Variants in LINGO2 observed in about 807,000 individuals in gnomAD.
LINGO2 encodes the protein leucine-rich repeat and immunoglobulin-like domain-containing nogo receptor-interacting protein 2.
A neutral mutation model predicts 30.6 loss-of-function variants in LINGO2; 14 were observed. The observed-to-expected ratio is 0.46, with a 90% confidence interval of 0.30 to 0.72. LINGO2 has a LOEUF of 0.72. Ranked by LOEUF, LINGO2 falls within the 30% of genes least tolerant of loss-of-function variation. The pLI is 0.07. For synonymous variants in LINGO2, 317 were observed against 288.5 expected (o/e 1.10, Z -1.00); for missense variants, 729 against 751.7 (o/e 0.97, Z 0.35).
At chr9:28,851,179 G>A in the LINGO2 span, among the ~76,000 whole-genome samples, 1 of 152,056 alleles carries the variant, frequency 6.6e-6, no homozygotes, top group East Asian at 1.9e-4. Context: ...AGGAAATTAA[G>A]TAACACAGAT....
At chr9:28,644,424 A>C (rs574571989) in intron 1 of LINGO2, among the ~76,000 whole-genome samples, 1 of 152,146 alleles carries the variant, frequency 6.6e-6, no homozygotes, top group Non-Finnish European at 1.5e-5. Flanking sequence ...AGCTAGGCCC[A>C]AAAAGACAAA....
chr9:29,011,552 A>G, the LINGO2 span, among the ~76,000 whole-genome samples: 1 of 152,226 alleles, frequency 6.6e-6, no homozygotes, highest in Non-Finnish European at 1.5e-5. Context: ...CATCTTTTAT[A>G]TTGTAGCAAA....
chr9:28,359,413 A>C (rs185527565), intron 3 of LINGO2, among the ~76,000 whole-genome samples: 1 of 152,224 alleles, frequency 6.6e-6, no homozygotes, highest in African/African-American at 2.4e-5. Flanking sequence ...ACAAAAAGAA[A>C]ACATTGGTCC....
At chr9:28,201,376 A>G (rs1013203700) in intron 4 of LINGO2, among the ~76,000 whole-genome samples, 9 of 140,442 alleles carry the variant, frequency 6.4e-5, no homozygotes, top group African/African-American at 2.4e-4. Context: ...ATGATTTCCA[A>G]TTTCATCCAT....
At chr9:28,174,967 A>G (rs1828709669) in intron 4 of LINGO2, among the ~76,000 whole-genome samples, 1 of 151,820 alleles carries the variant, frequency 6.6e-6, no homozygotes, top group African/African-American at 2.4e-5. Context: ...AGAGAAAGAG[A>G]CAGAGACCCA....
At chr9:28,676,977 A>T in the LINGO2 span, among the ~76,000 whole-genome samples, 2 of 152,296 alleles carry the variant, frequency 1.3e-5, no homozygotes, top group Non-Finnish European at 2.9e-5. Flanking sequence ...CACATACAGA[A>T]AACTACTGTG....
At chr9:28,790,312 T>TTTTCTTTTC in the LINGO2 span, among the ~76,000 whole-genome samples, 1 of 146,320 alleles carries the variant, frequency 6.8e-6, no homozygotes, top group Non-Finnish European at 1.5e-5. Flanking sequence ...TTTACCCATC[T>TTTTCTTTTC]TTTCTTTTCT....
At chr9:28,508,775 A>G (rs1026377122) in intron 1 of LINGO2, among the ~76,000 whole-genome samples, 1 of 152,126 alleles carries the variant, frequency 6.6e-6, no homozygotes, top group South Asian at 2.1e-4. Flanking sequence ...TTTGTAGAGT[A>G]GAACAACCAT....
At chr9:28,383,232 A>G (rs559702292) in intron 2 of LINGO2, among the ~76,000 whole-genome samples, 1 of 149,208 alleles carries the variant, frequency 6.7e-6, no homozygotes, top group South Asian at 2.2e-4. Flanking sequence ...TCTAAAATTG[A>G]AACACTATAG....
At chr9:28,025,635 C>A (rs750741244) in intron 4 of LINGO2, among the ~76,000 whole-genome samples, 1 of 152,096 alleles carries the variant, frequency 6.6e-6, no homozygotes, top group Admixed American at 6.5e-5. Context: ...TAAATTGAAA[C>A]TCTTGGTGGT....
chr9:28,563,437 G>A (rs572109961), intron 1 of LINGO2, among the ~76,000 whole-genome samples: 148 of 152,176 alleles, frequency 9.7e-4, no homozygotes, highest in African/African-American at 3.4e-3. Flanking sequence ...ACATATTCTG[G>A]ACAATAAAAG....
intron 2 of LINGO2, among the ~76,000 whole-genome samples, chr9:28,470,532 T>C (rs1339204951): frequency 6.6e-6 from 1 of 152,186 alleles, no homozygotes; most frequent in Non-Finnish European, 1.5e-5. Context: ...TCTGTCAAGA[T>C]CATGCTGCCC....
chr9:28,512,642 CATACAT>C (rs1347758529), intron 1 of LINGO2, among the ~76,000 whole-genome samples: 2 of 62,604 alleles, frequency 3.2e-5, no homozygotes, highest in Non-Finnish European at 5.6e-5. Context: ...TATATACACA[CATACAT>C]ACACACACAC....
At chr9:28,150,562 G>A (rs1033793621) in intron 4 of LINGO2, among the ~76,000 whole-genome samples, 2 of 152,130 alleles carry the variant, frequency 1.3e-5, no homozygotes, top group African/African-American at 4.8e-5. Flanking sequence ...CCAGCCTGGT[G>A]ACAGAGCAAG....
At chr9:28,304,521 C>G (rs538243100) in intron 3 of LINGO2, among the ~76,000 whole-genome samples, 1 of 152,032 alleles carries the variant, frequency 6.6e-6, no homozygotes, top group East Asian at 1.9e-4. Flanking sequence ...TTTCTGCACC[C>G]CAGAAAGCTT....
At chr9:29,150,227 A>G in the LINGO2 span, among the ~76,000 whole-genome samples, 1 of 152,202 alleles carries the variant, frequency 6.6e-6, no homozygotes. Context: ...TAAAGATCCT[A>G]TACAAAGCAT....
At chr9:28,234,306 C>T (rs1279658016) in intron 4 of LINGO2, among the ~76,000 whole-genome samples, 10 of 152,078 alleles carry the variant, frequency 6.6e-5, no homozygotes, top group African/African-American at 1.7e-4. Context: ...GCAGAACCCC[C>T]GGGGACTGGT....
chr9:28,546,585 C>G (rs1297369327), intron 1 of LINGO2, among the ~76,000 whole-genome samples: 1 of 152,052 alleles, frequency 6.6e-6, no homozygotes, highest in Non-Finnish European at 1.5e-5. Flanking sequence ...AATTTCATTA[C>G]AGCCAGCTCC....
chr9:27,982,298 C>T lies in LINGO2; in HGVS notation c.-36+30057G>A, dbSNP rs139530038. On this transcript the variant is annotated intron_variant, in intron 5 of 5. Transcript: ENST00000379992. ...CACCACACATAATTTATAAATCAGCCGGACACTAGGAATGGGCTCTTTTGT... is the reference window on the plus strand; with the variant it reads ...CACCACACATAATTTATAAATCAGCTGGACACTAGGAATGGGCTCTTTTGT... Among the ~76,000 whole-genome samples, 380 of 151,856 alleles carry T rather than the reference C, an allele frequency of 2.5e-3. 1 individual carries two copies. The highest frequency in any genetic ancestry group is 3.4e-3 in the Non-Finnish European group (229 of 67,832).
Sources: allele counts gnomAD v4.1 joint callset (sites outside exome capture counted in the v4.1 genomes callset), GRCh38; gene constraint gnomAD v4.1.1; transcripts MANE v1.5; gene names NCBI Gene and HGNC (gene_info 2026-07-23, HGNC 2026-07-21).